Variants in DPYS observed in about 807,000 individuals in gnomAD.
The protein encoded by DPYS is dihydropyrimidine amidohydrolase.
In DPYS, 39 loss-of-function variants were observed where a neutral mutation model predicts 50.3. The ratio of observed to expected loss-of-function variants is 0.78; its 90% confidence interval spans 0.60 to 1.01. The LOEUF (loss-of-function observed/expected upper bound fraction) is 1.01. DPYS is among the 50% of genes least tolerant of loss of function. The pLI is 0.00. For synonymous variants in DPYS, 245 were observed against 250.7 expected, an observed-to-expected ratio of 0.98 and a Z score of 0.22; for missense variants, 659 against 680.9, an observed-to-expected ratio of 0.97 and a Z score of 0.36.
Position 104,381,303 on chromosome 8 carries a change from A to G in DPYS, c.1455T>C (p.Pro485=). The G allele has an allele frequency of 6.2e-7, 1 of 1,614,032 alleles. No individual in the cohort carries two copies. The highest frequency in any genetic ancestry group is 1.1e-5 in the South Asian group (1 of 91,084). Residue 485 remains proline (P), a synonymous_variant, in exon 9 of 10, where the codon CCT becomes CCC. Transcript: ENST00000351513. ...TATAGGGTGCACGCTCCACAGGGGT[A>G]GGTGTGCAAGTCTGAAAGAGAACAT... ...RIKQRDRTCT[P]TPVERAPYKG... is the part of the protein sequence containing the mutation.
chr8:104,439,751 C>T (rs972752333), intron 4 of DPYS, among the ~76,000 whole-genome samples: 5 of 152,272 alleles, frequency 3.3e-5, no homozygotes, highest in Admixed American at 6.5e-5. Context: ...TGCTACTGCA[C>T]TCTAGCCTGG....
chr8:104,440,495 C>T (rs566039452), intron 4 of DPYS, among the ~76,000 whole-genome samples: 62 of 152,260 alleles, frequency 4.1e-4, no homozygotes, highest in African/African-American at 1.4e-3. Flanking sequence ...GGGCTCCTGA[C>T]GTCAGGTGAT....
chr8:104,383,847 C>T (rs1317415465), intron 8 of DPYS, among the ~76,000 whole-genome samples: 1 of 152,142 alleles, frequency 6.6e-6, no homozygotes, highest in Admixed American at 6.5e-5. Flanking sequence ...AGTCATCCAC[C>T]TGCCTCAGTT....
At chr8:104,466,511 C>G in intron 1 of DPYS, 146 bp downstream of exon 1, 1 of 961,436 alleles carries the variant, frequency 1.0e-6, no homozygotes, top group Non-Finnish European at 1.4e-6. Context: ...CCCTCTGACA[C>G]CCGCCGGGGC....
intron 2 of DPYS, among the ~76,000 whole-genome samples, chr8:104,447,763 G>A (rs1813588956): frequency 6.6e-6 from 1 of 152,078 alleles, no homozygotes; most frequent in African/African-American, 2.4e-5. Context: ...CTTTATTTCT[G>A]TACTTGGATG....
At chr8:104,391,117 GA>G (rs1388749953) in intron 8 of DPYS, among the ~76,000 whole-genome samples, 1 of 152,158 alleles carries the variant, frequency 6.6e-6, no homozygotes, top group Non-Finnish European at 1.5e-5. Context: ...AAGCACGTGA[GA>G]AAACTTGTTT....
At chr8:104,463,744 C>A (rs1225055206) in intron 1 of DPYS, among the ~76,000 whole-genome samples, 1 of 152,214 alleles carries the variant, frequency 6.6e-6, no homozygotes, top group Non-Finnish European at 1.5e-5. Flanking sequence ...TTTAACATAT[C>A]ATACAACCAG....
chr8:104,435,803 G>T (rs1813121452), intron 4 of DPYS, among the ~76,000 whole-genome samples: 1 of 152,114 alleles, frequency 6.6e-6, no homozygotes, highest in South Asian at 2.1e-4. Context: ...ACAGACAAAA[G>T]GGAAAGAATC....
chr8:104,440,081 G>C (rs1813293802), intron 4 of DPYS, among the ~76,000 whole-genome samples: 1 of 152,056 alleles, frequency 6.6e-6, no homozygotes, highest in African/African-American at 2.4e-5. Flanking sequence ...AAAACACATT[G>C]ATAAGATAAA....
chr8:104,416,391 C>T (rs1189294258), intron 7 of DPYS, among the ~76,000 whole-genome samples: 2 of 152,162 alleles, frequency 1.3e-5, no homozygotes, highest in African/African-American at 4.8e-5. Context: ...ACCTGAACCA[C>T]CTCAGCCAGC....
In DPYS at chr8:104,444,425, T is replaced by A. The variant is rs1439404270; in HGVS notation, c.616A>T (p.Met206Leu). The change falls in exon 4 of 10, where the codon ATG becomes TTG. Residue 206 changes from methionine to leucine, a missense_variant. Met to Leu is a conservative substitution (Grantham distance 15, BLOSUM62 2). Coordinates refer to ENST00000351513, the MANE Select transcript of DPYS (RefSeq NM_001385.3). ...GGGCCTGTTATCCCCAGAGCCAACATCTTCTTTGCTCCCTAAAAAGACAGC... is the reference window on the plus strand; with the variant it reads ...GGGCCTGTTATCCCCAGAGCCAACAACTTCTTTGCTCCCTAAAAAGACAGC... ...GDLIAEGAKK[M>L]LALGITGPEG... 2 of 1,614,052 alleles carry A rather than the reference T, an allele frequency of 1.2e-6. No homozygotes were observed. The highest frequency in any genetic ancestry group is 1.3e-5 in the African/African-American group (1 of 74,942).
chr8:104,458,717 C>T (rs1428184228), intron 1 of DPYS, among the ~76,000 whole-genome samples: 3 of 152,098 alleles, frequency 2.0e-5, no homozygotes, highest in Non-Finnish European at 2.9e-5. Flanking sequence ...GTGTAAGTTG[C>T]GTGTTAGTGT....
At chr8:104,384,774 C>T (rs530747477) in intron 8 of DPYS, among the ~76,000 whole-genome samples, 1 of 152,326 alleles carries the variant, frequency 6.6e-6, no homozygotes, top group East Asian at 1.9e-4. Context: ...TCTTACAGGA[C>T]ATTTATGCAG....
chr8:104,434,958 G>A (rs1240149212), intron 4 of DPYS, among the ~76,000 whole-genome samples: 2 of 152,248 alleles, frequency 1.3e-5, no homozygotes, highest in Middle Eastern at 3.4e-3. Flanking sequence ...GAGAAACAAC[G>A]CCAGATACAT....
At chr8:104,410,638 G>A (rs1448383793) in intron 7 of DPYS, among the ~76,000 whole-genome samples, 1 of 151,988 alleles carries the variant, frequency 6.6e-6, no homozygotes, top group Non-Finnish European at 1.5e-5. Flanking sequence ...TTCTACTGGT[G>A]CCAGGCAAAT....
intron 1 of DPYS, 116 bp from the exon 2 acceptor site, chr8:104,451,520 T>C (rs1307688050): frequency 3.0e-6 from 4 of 1,319,036 alleles, no homozygotes; most frequent in Admixed American, 1.9e-5. Flanking sequence ...GTCCAGGAAA[T>C]TGCAAAAAGA....
intron 7 of DPYS, among the ~76,000 whole-genome samples, chr8:104,397,571 TA>T (rs1319198668): frequency 1.3e-5 from 2 of 152,218 alleles, no homozygotes; most frequent in Non-Finnish European, 2.9e-5. Context: ...GGTTGATTAG[TA>T]ATGAATAAAT....
intron 1 of DPYS, among the ~76,000 whole-genome samples, chr8:104,466,221 G>T (rs2140794597): frequency 6.6e-6 from 1 of 152,264 alleles, no homozygotes; most frequent in East Asian, 1.9e-4. Context: ...TAAAGGATGG[G>T]TCGAAATGGT....
chr8:104,444,025 CAAAT>C (rs1453172121), intron 4 of DPYS, among the ~76,000 whole-genome samples: 2 of 151,910 alleles, frequency 1.3e-5, no homozygotes, highest in Admixed American at 6.6e-5. Context: ...GAAGAAATAA[CAAAT>C]AAAACATGAA....
Sources: gnomAD v4.1 joint callset for allele counts (sites outside exome capture counted in the v4.1 genomes callset) on GRCh38, gnomAD v4.1.1 for gene constraint, MANE v1.5 for transcripts, NCBI Gene and HGNC (gene_info 2026-07-23, HGNC 2026-07-21) for gene names.